CDH18: variants seen among roughly 807,000 people sequenced by gnomAD.
CDH18 encodes the protein cadherin-18.
A neutral mutation model predicts 67.9 loss-of-function variants in CDH18; 31 were observed. The observed-to-expected ratio is 0.46, with a 90% CI of 0.34 to 0.62. The LOEUF (loss-of-function observed/expected upper bound fraction) is 0.62, where lower values mean the gene tolerates loss of function less well. CDH18 is among the 20% of genes least tolerant of loss of function. The probability of loss-of-function intolerance (pLI) is 0.01; values close to 1 mark genes in which losing one functional copy is unlikely to be tolerated. For missense variants in CDH18, 890 were observed against 975.5 expected (o/e 0.91, Z 1.17); for synonymous variants, 362 against 347.2 (o/e 1.04, Z -0.48).
In CDH18 at chr5:19,854,798, G is replaced by A. The variant is rs530031696; in HGVS notation, c.-256-15556C>T. ...TTTTTAATTTTTTTAGCACCCTAATGTGCTACTTAATACTAGATCGTATTC... is the reference window on the plus strand; with the variant it reads ...TTTTTAATTTTTTTAGCACCCTAATATGCTACTTAATACTAGATCGTATTC... On this transcript the variant is annotated intron_variant, in intron 2 of 12. Coordinates refer to ENST00000382275, the MANE Select transcript of CDH18 (RefSeq NM_004934.5). Among the ~76,000 whole-genome samples, 12 of 151,650 alleles carry A rather than the reference G, an allele frequency of 7.9e-5. No individual in the cohort carries two copies. The East Asian group carries it at 2.1e-3, about 27-fold the overall frequency.
chr5:19,513,987 C>T (rs1745526730), intron 10 of CDH18, among the ~76,000 whole-genome samples: 1 of 152,074 alleles, frequency 6.6e-6, no homozygotes, highest in African/African-American at 2.4e-5. Flanking sequence ...TTAATGCTAT[C>T]CCTCCCCCAT....
At chr5:19,987,369 G>A (rs1799673960) in intron 1 of CDH18, among the ~76,000 whole-genome samples, 1 of 151,532 alleles carries the variant, frequency 6.6e-6, no homozygotes, top group African/African-American at 2.4e-5. Context: ...AAAACAAGAA[G>A]TTAAGAAAAA....
At chr5:19,929,038 A>G (rs1793398513) in intron 2 of CDH18, among the ~76,000 whole-genome samples, 1 of 152,120 alleles carries the variant, frequency 6.6e-6, no homozygotes, top group African/African-American at 2.4e-5. Flanking sequence ...AGCTTCCATA[A>G]TATTCCTTGA....
intron 1 of CDH18, chr5:20,305,663 G>C: frequency 4.8e-6 from 2 of 420,794 alleles, no homozygotes; most frequent in South Asian, 4.3e-5. Flanking sequence ...GGGAGCGGCG[G>C]TAGGGGAGAT....
At chr5:20,434,627 C>G (rs933755895) in intron 1 of CDH18, among the ~76,000 whole-genome samples, 7 of 151,918 alleles carry the variant, frequency 4.6e-5, no homozygotes, top group African/African-American at 1.7e-4. Context: ...GTCAAAACAA[C>G]TAAAAATATA....
intron 2 of CDH18, among the ~76,000 whole-genome samples, chr5:20,075,544 C>A (rs1743854733): frequency 6.6e-6 from 1 of 152,044 alleles, no homozygotes; most frequent in Non-Finnish European, 1.5e-5. Context: ...AAGAGTTGTT[C>A]AGCTCTGTGT....
rs570885228 is a variant in CDH18, at chr5:19,781,625, A to G, written c.229-34389T>C. 5.9e-5 allele frequency among the ~76,000 whole-genome samples: 9 copies of G among 152,250 alleles called. 1 individual carries two copies. The South Asian group carries it at 1.9e-3, about 32-fold the overall frequency. On this transcript the variant is annotated intron_variant, in intron 3 of 12. Transcript: ENST00000382275. ...TGAAACCACTTTAACATAAGATTTT[A>G]TTACTGAGTAAAGAATGATTATTAA...
intron 2 of CDH18, among the ~76,000 whole-genome samples, chr5:19,893,970 T>C (rs1336067156): frequency 1.3e-5 from 2 of 152,174 alleles, no homozygotes; most frequent in East Asian, 1.9e-4. Context: ...TTGTCAAACC[T>C]ATCATTATCA....
intron 5 of CDH18, among the ~76,000 whole-genome samples, chr5:19,620,060 C>T (rs540836320): frequency 2.6e-5 from 4 of 152,116 alleles, no homozygotes; most frequent in Non-Finnish European, 5.9e-5. Context: ...AAAACACAAG[C>T]TACTTAGCTG....
At chr5:19,620,268 T>C (rs1161413477) in intron 5 of CDH18, among the ~76,000 whole-genome samples, 2 of 152,218 alleles carry the variant, frequency 1.3e-5, no homozygotes, top group Non-Finnish European at 2.9e-5. Context: ...AATTAAGAAT[T>C]CCTTAAGGGA....
intron 2 of CDH18, among the ~76,000 whole-genome samples, chr5:20,224,536 C>G (rs1385007450): frequency 6.9e-6 from 1 of 143,986 alleles, no homozygotes; most frequent in Non-Finnish European, 1.5e-5. Flanking sequence ...TTTTTCTCTT[C>G]TGTTTTAATA....
rs58429751 is a variant in CDH18 at position 19,791,356 on chromosome 5, A to AACACACACACACACACAC, written c.229-44138_229-44121dup. ...TGATATTCTTGCAATTCGACTTTTA[A>AACACACACACACACACAC]ACACACACACACACACACACACACA... On this transcript the variant is annotated intron_variant, in intron 3 of 12. Coordinates refer to ENST00000382275, the MANE Select transcript of CDH18 (RefSeq NM_004934.5). Among the ~76,000 whole-genome samples, 598 of 141,620 alleles carry AACACACACACACACACAC rather than the reference A, an allele frequency of 4.2e-3. 3 individuals are homozygous for AACACACACACACACACAC. The highest frequency in any genetic ancestry group is 0.011 in the Admixed American group (149 of 13,720). 92.9% of individuals were successfully genotyped at this position (141,620 alleles called of 152,430 possible). A position where few individuals can be genotyped will look rare whatever the true frequency, so the allele number is the denominator to read the frequency against.
At chr5:20,105,607 A>G (rs1336735497) in intron 2 of CDH18, among the ~76,000 whole-genome samples, 3 of 152,140 alleles carry the variant, frequency 2.0e-5, no homozygotes, top group Non-Finnish European at 4.4e-5. Flanking sequence ...CATAACTTCT[A>G]TATCCTTATC....
upstream of CDH18, among the ~76,000 whole-genome samples, chr5:19,989,153 G>C (rs2150381810): frequency 6.6e-6 from 1 of 152,300 alleles, no homozygotes; most frequent in South Asian, 2.1e-4. Context: ...CACCCATTGA[G>C]CACATCAAGC....
rs1160294110 is a variant in CDH18 at position 20,323,002 on chromosome 5, G to T, written c.-579-67497C>A. ...TGCAACAAAGAATATGGCATTAATG[G>T]AATAGGTTTTAAAAAAAAGCAGGTT... On this transcript the variant is annotated intron_variant, in intron 1 of 14. Coordinates refer to the CDH18 transcript ENST00000507958. Among the ~76,000 whole-genome samples, 4 of 152,126 alleles carry T rather than the reference G, an allele frequency of 2.6e-5. No individual in the cohort carries two copies. The Middle Eastern group carries it at 0.01, about 388-fold the overall frequency.
chr5:20,064,378 C>T (rs1453799132), intron 2 of CDH18, among the ~76,000 whole-genome samples: 2 of 152,054 alleles, frequency 1.3e-5, no homozygotes, highest in African/African-American at 2.4e-5. Context: ...TAAAATGGCT[C>T]GTCACTGTGA....
chr5:20,497,804 T>C (rs1297263661), intron 1 of CDH18, among the ~76,000 whole-genome samples: 2 of 152,178 alleles, frequency 1.3e-5, no homozygotes, highest in Non-Finnish European at 2.9e-5. Context: ...AAGCATTTGC[T>C]ATACTATGCT....
intron 1 of CDH18, among the ~76,000 whole-genome samples, chr5:20,412,086 A>G (rs549922939): frequency 7.2e-4 from 109 of 152,306 alleles, no homozygotes; most frequent in African/African-American, 2.6e-3. Context: ...AGCGGTCCTA[A>G]GCAAAAATAG....
At chr5:19,754,699 G>A (rs1771297745) in intron 3 of CDH18, among the ~76,000 whole-genome samples, 1 of 152,120 alleles carries the variant, frequency 6.6e-6, no homozygotes, top group Admixed American at 6.5e-5. Context: ...TCCAACGGCT[G>A]CAATATACAC....
Sources: gnomAD v4.1 joint callset for allele counts (sites outside exome capture counted in the v4.1 genomes callset) on GRCh38, gnomAD v4.1.1 for gene constraint, MANE v1.5 for transcripts, NCBI Gene and HGNC (gene_info 2026-07-23, HGNC 2026-07-21) for gene names.